The following GTF2IRD1 variants were observed in gnomAD, a reference collection of about 807,000 sequenced individuals.
GTF2IRD1 encodes general transcription factor II-I repeat domain-containing protein 1.
GTF2IRD1 carries 26 observed loss-of-function variants against 113.2 expected under a neutral mutation model. The ratio of observed to expected loss-of-function variants is 0.23; its 90% CI spans 0.17 to 0.32. The LOEUF is 0.32. Among genes scored for constraint, GTF2IRD1 ranks in the 10% least tolerant of loss-of-function variants. The pLI, the probability that GTF2IRD1 is intolerant of heterozygous loss-of-function variation, is 1.00. For synonymous variants in GTF2IRD1, 484 were observed against 529.1 expected (o/e 0.91, Z 1.17); for missense variants, 864 against 1,280.8 (o/e 0.67, Z 4.97).
At chr7:74,548,370 G>A (rs1159829374) in intron 17 of GTF2IRD1, among the ~76,000 whole-genome samples, 4 of 151,844 alleles carry the variant, frequency 2.6e-5, no homozygotes, top group Admixed American at 6.6e-5. Context: ...TGCAGTGAGC[G>A]GAGATTGTGC....
intron 22 of GTF2IRD1, among the ~76,000 whole-genome samples, chr7:74,572,974 C>A (rs1314087960): frequency 6.6e-6 from 1 of 152,016 alleles, no homozygotes; most frequent in African/African-American, 2.4e-5. Flanking sequence ...GCAGAGTGGG[C>A]CATGAAATGA....
intron 7 of GTF2IRD1, among the ~76,000 whole-genome samples, chr7:74,522,816 C>T (rs1459366074): frequency 1.3e-5 from 2 of 152,146 alleles, no homozygotes; most frequent in Non-Finnish European, 2.9e-5. Context: ...TAAAACTTGT[C>T]ATAAGGAATT....
chr7:74,600,192 A>G (rs587677372), intron 25 of GTF2IRD1, among the ~76,000 whole-genome samples: 2 of 152,160 alleles, frequency 1.3e-5, no homozygotes, highest in African/African-American at 4.8e-5. Flanking sequence ...CATTTAGGGA[A>G]GCTGAGGCAG....
intron 1 of GTF2IRD1, among the ~76,000 whole-genome samples, chr7:74,503,144 G>T (rs1156824439): frequency 6.8e-6 from 1 of 147,820 alleles, no homozygotes; most frequent in Non-Finnish European, 1.5e-5. Context: ...TCCAGTCTGG[G>T]CAATAGAGTG....
intron 1 of GTF2IRD1, among the ~76,000 whole-genome samples, chr7:74,474,168 G>A (rs1290617134): frequency 2.0e-5 from 3 of 152,074 alleles, no homozygotes; most frequent in Non-Finnish European, 4.4e-5. Context: ...GCTTGAACCC[G>A]GGAGGTGAGT....
At chr7:74,521,130 G>C in intron 6 of GTF2IRD1, 78 bp from the exon 7 acceptor site, 1 of 795,980 alleles carries the variant, frequency 1.3e-6, no homozygotes, top group Non-Finnish European at 2.2e-6. Context: ...CCAGAGCCAG[G>C]GCCTGTGCAC....
intron 1 of GTF2IRD1, among the ~76,000 whole-genome samples, chr7:74,462,823 C>T (rs1044367959): frequency 2.0e-5 from 3 of 152,206 alleles, no homozygotes; most frequent in Non-Finnish European, 2.9e-5. Flanking sequence ...GTGAGCCCCG[C>T]GATGAAATTA....
intron 1 of GTF2IRD1, among the ~76,000 whole-genome samples, chr7:74,460,750 A>G (rs1249946285): frequency 1.3e-5 from 2 of 152,178 alleles, no homozygotes; most frequent in Non-Finnish European, 2.9e-5. Flanking sequence ...GAAACACCCT[A>G]TTATACACCA....
At chr7:74,584,037 G>A (rs1191100206) in intron 22 of GTF2IRD1, among the ~76,000 whole-genome samples, 7 of 152,094 alleles carry the variant, frequency 4.6e-5, no homozygotes, top group Non-Finnish European at 1.0e-4. Context: ...CCTGAAACAG[G>A]TCTCAATCAA....
intron 7 of GTF2IRD1, 59 bp downstream of exon 7, chr7:74,521,356 G>A: frequency 3.9e-6 from 4 of 1,015,966 alleles, no homozygotes; most frequent in South Asian, 2.5e-5. Context: ...TGGAGGTGGT[G>A]CTTATTGAAA....
chr7:74,585,265 C>A (rs1801656580), intron 22 of GTF2IRD1, among the ~76,000 whole-genome samples: 1 of 151,260 alleles, frequency 6.6e-6, no homozygotes, highest in Admixed American at 6.6e-5. Flanking sequence ...GCATGCACCA[C>A]CACGCCCAGC....
rs373569627 is a variant in GTF2IRD1 at position 74,508,110 on chromosome 7, C to A, written c.30C>A (p.Val10=). 123 of 1,610,124 alleles carry A rather than the reference C, an allele frequency of 7.6e-5. No homozygotes were observed. The highest frequency in any genetic ancestry group is 6.4e-5 in the Non-Finnish European group (76 of 1,179,930). The change falls in exon 2 of 27, where the codon GTC becomes GTA. Residue 10 remains valine, a synonymous_variant. Transcript: ENST00000424337. The stretch of plus-strand genomic sequence containing the variant: ...CCTTGCTGGGTAAGCGCTGTGACGT[C>A]CCCACCAACGGCTGCGGACCCGACC... MALLGKRCD[V]PTNGCGPDRW...
At chr7:74,503,030 G>A (rs1472964176) in intron 1 of GTF2IRD1, among the ~76,000 whole-genome samples, 1 of 152,080 alleles carries the variant, frequency 6.6e-6, no homozygotes, top group African/African-American at 2.4e-5. Context: ...AGCCGGGTGT[G>A]GTGGTGCACG....
chr7:74,518,020 T>G, intron 4 of GTF2IRD1, 119 bp from the exon 5 acceptor site: 1 of 625,470 alleles, frequency 1.6e-6, no homozygotes, highest in Non-Finnish European at 2.6e-6. Flanking sequence ...GAGGGGTCCA[T>G]GGGAACCCCG....
chr7:74,575,985 T>C (rs1801026459), intron 22 of GTF2IRD1, among the ~76,000 whole-genome samples: 1 of 150,594 alleles, frequency 6.6e-6, no homozygotes, highest in Admixed American at 6.6e-5. Context: ...CTGGGCAACA[T>C]AGCAAGACCC....
At chr7:74,566,950 G>A (rs1554360858) in intron 22 of GTF2IRD1, among the ~76,000 whole-genome samples, 5 of 152,098 alleles carry the variant, frequency 3.3e-5, no homozygotes. Context: ...TCCCCTCCTG[G>A]CTACCAGCAG....
chr7:74,459,304 A>G (rs144703618), intron 1 of GTF2IRD1, among the ~76,000 whole-genome samples: 3,295 of 152,172 alleles, frequency 0.022, 138 homozygotes, highest in African/African-American at 0.074. Flanking sequence ...CTAAAAATAC[A>G]AAAATTAGCC....
chr7:74,512,998 C>CGGGCCCGCCATTTCCCGAGGGCA lies in GTF2IRD1; in HGVS notation c.265+30_265+52dup, dbSNP rs782762263. 3.1e-6 allele frequency: 5 copies of CGGGCCCGCCATTTCCCGAGGGCA among 1,602,220 alleles called. No homozygotes were observed. In the South Asian group the frequency reaches 5.6e-5, roughly 18 times the overall value. On this transcript the variant is annotated intron_variant, in intron 3 of 26. Transcript: ENST00000424337. This position sits in a 1 kb window ranked among gnomAD's most constrained non-coding sequence, Gnocchi z 4.4. Reference sequence around the variant, plus strand: ...TGAGTACCCCAGGGCTCCGGAGGGCCGGGCCCGCCATTTCCCGAGGGCAGG... The same window carrying CGGGCCCGCCATTTCCCGAGGGCA: ...TGAGTACCCCAGGGCTCCGGAGGGCCGGGCCCGCCATTTCCCGAGGGCAGGGCCCGCCATTTCCCGAGGGCAGG...
In GTF2IRD1 at chr7:74,529,906, C is replaced by T. The variant is rs782066885; in HGVS notation, c.1263C>T (p.Phe421=). Reference sequence around the variant, plus strand: ...TGGAGGAGCGCCATAGTATCCACTTCATCATTAAGAGGTGCGGGTGGGGCT... The same window carrying T: ...TGGAGGAGCGCCATAGTATCCACTTTATCATTAAGAGGTGCGGGTGGGGCT... ...RILEERHSIH[F]IIKRMFDERI... is the part of the protein sequence containing the mutation. Residue 421 remains phenylalanine, a synonymous_variant, in exon 9 of 27, where the codon TTC becomes TTT. Coordinates refer to ENST00000424337, the MANE Select transcript of GTF2IRD1 (RefSeq NM_005685.4). The T allele has an allele frequency of 2.5e-6, 4 of 1,613,038 alleles. No individual in the cohort carries two copies. The highest frequency in any genetic ancestry group is 3.4e-6 in the Non-Finnish European group (4 of 1,179,432).
Sources: gnomAD v4.1 joint callset for allele counts (sites outside exome capture counted in the v4.1 genomes callset) on GRCh38, gnomAD v4.1.1 for gene constraint, Gnocchi (gnomAD v3.1) non-coding constraint, MANE v1.5 for transcripts, NCBI Gene and HGNC (gene_info 2026-07-23, HGNC 2026-07-21) for gene names.